The following SH3RF1 variants were observed in gnomAD, a reference collection of about 807,000 sequenced individuals.
The protein encoded by SH3RF1 is SH3 domain containing ring finger 1, also known as E3 ubiquitin-protein ligase SH3RF1.
SH3RF1 carries 32 observed loss-of-function variants against 74.0 expected under a neutral mutation model. The observed-to-expected ratio is 0.43, with a 90% confidence interval of 0.33 to 0.58. The LOEUF is 0.58. Among genes scored for constraint, SH3RF1 ranks in the 20% least tolerant of loss-of-function variants. SH3RF1 has a pLI of 0.05. For missense variants in SH3RF1, 954 were observed against 1,130.9 expected, an observed-to-expected ratio of 0.84 and a Z score of 2.24; for synonymous variants, 396 against 439.6, an observed-to-expected ratio of 0.90 and a Z score of 1.24.
intron 2 of SH3RF1, among the ~76,000 whole-genome samples, chr4:169,241,479 T>C (rs527322344): frequency 2.8e-4 from 43 of 152,256 alleles, no homozygotes; most frequent in African/African-American, 1.0e-3. Flanking sequence ...CCATCATCCA[T>C]GGAAGTAAAG....
intron 6 of SH3RF1, among the ~76,000 whole-genome samples, chr4:169,125,147 G>C (rs1349303081): frequency 6.6e-6 from 1 of 152,194 alleles, no homozygotes; most frequent in South Asian, 2.1e-4. Context: ...CTGACCCAGT[G>C]ATCTTGAAAG....
rs748970491 is a variant in SH3RF1 at position 169,106,901 on chromosome 4, G to A, written c.2444C>T (p.Ala815Val). The stretch of plus-strand genomic sequence containing the variant: ...CAAGACAGGACCCAGGGAGGAACAG[G>A]CCTGGCGAGGAGGTGGAGCGATGGG... ...AVPIAPPPRQ[A>V]CSSLGPVLNE... Residue 815 changes from alanine to valine, a missense_variant, in exon 11 of 12, where the codon GCC (alanine) becomes GTC (valine). Physicochemically the swap from Ala to Val is moderately conservative, Grantham distance 64 (BLOSUM62 0). Around this residue, in one of 3 missense-constraint regions of SH3RF1, gnomAD observed 854 missense variants for 962.5 expected, o/e 0.89. Coordinates refer to ENST00000284637, the MANE Select transcript of SH3RF1 (RefSeq NM_020870.4). The A allele has an allele frequency of 6.2e-7, 1 of 1,613,340 alleles. No homozygotes were observed. Among genetic ancestry groups the A allele is most frequent in the African/African-American group, 1.3e-5 (1 of 74,942 alleles).
rs1733659336 is a variant in SH3RF1, at chr4:169,134,026, G to T, written c.1068+2292C>A. The stretch of plus-strand genomic sequence containing the variant: ...TTTGCACGTCACAAATGCTACACAT[G>T]CTCAATGCTCTATTGTGGCCTGGGG... On this transcript the variant is annotated intron_variant, in intron 5 of 11. Coordinates refer to ENST00000284637, the MANE Select transcript of SH3RF1 (RefSeq NM_020870.4). Among the ~76,000 whole-genome samples the T allele has an allele frequency of 2.6e-5, 4 of 152,132 alleles. No homozygotes were observed. The South Asian group carries it at 8.3e-4, about 32-fold the overall frequency.
intron 2 of SH3RF1, among the ~76,000 whole-genome samples, chr4:169,158,562 G>A (rs919386107): frequency 5.9e-5 from 9 of 152,182 alleles, no homozygotes; most frequent in African/African-American, 2.2e-4. Context: ...AACAGACTTA[G>A]GTCCTATGTG....
At chr4:169,226,216 C>T (rs1026295870) in intron 2 of SH3RF1, among the ~76,000 whole-genome samples, 3 of 152,008 alleles carry the variant, frequency 2.0e-5, no homozygotes, top group Non-Finnish European at 1.5e-5. Context: ...GAATGAAGAA[C>T]CCCCCAGACA....
At chr4:169,247,810 A>T (rs1731028514) in intron 2 of SH3RF1, among the ~76,000 whole-genome samples, 3 of 152,298 alleles carry the variant, frequency 2.0e-5, no homozygotes, top group Middle Eastern at 6.8e-3. Context: ...GAAAAAAACG[A>T]CCCCATCAAA....
At chr4:169,122,363 T>G in intron 6 of SH3RF1, 97 bp from the exon 7 acceptor site, 1 of 1,363,902 alleles carries the variant, frequency 7.3e-7, no homozygotes, top group Non-Finnish European at 9.9e-7. Context: ...GAATTATAAA[T>G]CCATAGAACA....
intron 2 of SH3RF1, among the ~76,000 whole-genome samples, chr4:169,161,726 T>G (rs1043230887): frequency 3.3e-5 from 5 of 152,350 alleles, no homozygotes; most frequent in Admixed American, 2.6e-4. Flanking sequence ...GTGTATAATT[T>G]AATAACTCAG....
chr4:169,232,418 T>A (rs1449974413), intron 2 of SH3RF1, among the ~76,000 whole-genome samples: 1 of 152,226 alleles, frequency 6.6e-6, no homozygotes, highest in Admixed American at 6.5e-5. Context: ...ACAACTGTTA[T>A]TCATTTGTAA....
intron 2 of SH3RF1, among the ~76,000 whole-genome samples, chr4:169,172,798 A>T (rs987838974): frequency 8.5e-5 from 13 of 152,206 alleles, no homozygotes; most frequent in Non-Finnish European, 1.8e-4. Flanking sequence ...GCTAGAACAA[A>T]GCAAGCGAAG....
At chr4:169,138,255 A>T (rs532501248) in intron 4 of SH3RF1, among the ~76,000 whole-genome samples, 1 of 152,318 alleles carries the variant, frequency 6.6e-6, no homozygotes, top group East Asian at 1.9e-4. Flanking sequence ...CCTGAACCTC[A>T]CTGTAGAGCT....
At position 169,255,237 on chromosome 4, in the gene SH3RF1, C is replaced by T. The variant is rs144792617; in HGVS notation, c.393+13583G>A. On this transcript the variant is annotated intron_variant, in intron 2 of 11. Transcript: ENST00000284637. ...GAATATTTTAGCTACAAAATCAGTA[C>T]GTGAATATTTTAACTATAAATAGAA... Among the ~76,000 whole-genome samples, 1,311 of 152,056 alleles carry T rather than the reference C, an allele frequency of 8.6e-3. 12 individuals are homozygous for T. Among genetic ancestry groups the T allele is most frequent in the African/African-American group, 0.03 (1,233 of 41,458 alleles).
chr4:169,235,615 C>G (rs1199981910), intron 2 of SH3RF1, among the ~76,000 whole-genome samples: 2 of 152,156 alleles, frequency 1.3e-5, no homozygotes, highest in African/African-American at 4.8e-5. Context: ...TACATTGCTT[C>G]TCATATAATA....
chr4:169,236,171 C>T (rs1005492937), intron 2 of SH3RF1, among the ~76,000 whole-genome samples: 1 of 152,260 alleles, frequency 6.6e-6, no homozygotes, highest in Admixed American at 6.5e-5. Context: ...TCCCTCTAGA[C>T]ACATGGCAGG....
chr4:169,207,369 G>A (rs1730278880), intron 2 of SH3RF1, among the ~76,000 whole-genome samples: 1 of 152,166 alleles, frequency 6.6e-6, no homozygotes, highest in Non-Finnish European at 1.5e-5. Context: ...TAAGGTTACA[G>A]TGAGCCATGA....
intron 2 of SH3RF1, among the ~76,000 whole-genome samples, chr4:169,190,843 A>G (rs1424887693): frequency 6.6e-6 from 1 of 152,224 alleles, no homozygotes; most frequent in Non-Finnish European, 1.5e-5. Context: ...AGCTAACCAA[A>G]TCCAACAACA....
chr4:169,130,888 G>C (rs1733607762), intron 5 of SH3RF1, among the ~76,000 whole-genome samples: 1 of 152,218 alleles, frequency 6.6e-6, no homozygotes, highest in African/African-American at 2.4e-5. Flanking sequence ...GAATGCAGTG[G>C]TGTTACTAGA....
chr4:169,261,202 G>A (rs957444178), intron 2 of SH3RF1, among the ~76,000 whole-genome samples: 2 of 152,136 alleles, frequency 1.3e-5, no homozygotes, highest in African/African-American at 4.8e-5. Flanking sequence ...TGGCAGTGTT[G>A]GAACCAGAGG....
chr4:169,236,148 T>G (rs1730819687), intron 2 of SH3RF1, among the ~76,000 whole-genome samples: 1 of 152,214 alleles, frequency 6.6e-6, no homozygotes, highest in African/African-American at 2.4e-5. Context: ...CCATAAACAT[T>G]ACGATTCTTC....
Sources: allele counts gnomAD v4.1 joint callset (sites outside exome capture counted in the v4.1 genomes callset), GRCh38; gene constraint gnomAD v4.1.1; regional missense constraint gnomAD v4.1.1; transcripts MANE v1.5; gene names NCBI Gene and HGNC (gene_info 2026-07-23, HGNC 2026-07-21).